NF1: variants seen among roughly 807,000 people sequenced by gnomAD.
The protein encoded by NF1 is neurofibromin.
NF1 carries 122 observed loss-of-function variants against 325.7 expected under a neutral mutation model. The observed-to-expected ratio is 0.37, with a 90% CI of 0.32 to 0.44. NF1 has a LOEUF of 0.44. Among genes scored for constraint, NF1 ranks in the 20% least tolerant of loss-of-function variants. The probability of loss-of-function intolerance (pLI) is 1.00; values close to 1 mark genes in which losing one functional copy is unlikely to be tolerated. For synonymous variants in NF1, 1,091 were observed against 1,186.0 expected (o/e 0.92, Z 1.65); for missense variants, 2,140 against 3,415.4 (o/e 0.63, Z 9.31).
chr17:31,320,428 A>G, intron 36 of NF1: 2 of 1,611,386 alleles, frequency 1.2e-6, no homozygotes, highest in Non-Finnish European at 1.7e-6. Context: ...CTCCTAAGCA[A>G]CATGGATGCC....
intron 36 of NF1, among the ~76,000 whole-genome samples, chr17:31,292,588 T>C (rs1052824512): frequency 5.3e-5 from 8 of 152,182 alleles, no homozygotes; most frequent in Non-Finnish European, 5.9e-5. Flanking sequence ...TCAATCTATG[T>C]ATAAGTGTGC....
At chr17:31,146,458 T>G (rs995306154) in intron 1 of NF1, among the ~76,000 whole-genome samples, 4 of 143,146 alleles carry the variant, frequency 2.8e-5, no homozygotes, top group Non-Finnish European at 4.5e-5. Flanking sequence ...CATCCATCCA[T>G]CCAATCTGTA....
At chr17:31,326,571 C>T (rs1299834846) in intron 37 of NF1, among the ~76,000 whole-genome samples, 4 of 151,972 alleles carry the variant, frequency 2.6e-5, no homozygotes, top group Admixed American at 6.6e-5. Context: ...CGCTTGAACC[C>T]GGGAGGTGGA....
chr17:31,139,650 T>G (rs1347729360), intron 1 of NF1, among the ~76,000 whole-genome samples: 1 of 152,222 alleles, frequency 6.6e-6, no homozygotes, highest in Non-Finnish European at 1.5e-5. Context: ...ATGTCTTTTC[T>G]TTGAACATTA....
At chr17:31,209,355 A>T (rs2066682292) in intron 12 of NF1, among the ~76,000 whole-genome samples, 1 of 152,216 alleles carries the variant, frequency 6.6e-6, no homozygotes, top group African/African-American at 2.4e-5. Context: ...GTAAAATAAT[A>T]TCTGCTTCAA....
intron 57 of NF1, chr17:31,362,237 C>A: frequency 1.1e-6 from 1 of 873,918 alleles, no homozygotes; most frequent in Non-Finnish European, 1.4e-6. Flanking sequence ...CCATTATCAG[C>A]ATTTCAGCTG....
chr17:31,296,144 G>A, intron 36 of NF1: 1 of 1,611,006 alleles, frequency 6.2e-7, no homozygotes, highest in South Asian at 1.1e-5. Context: ...GTGGTTATAA[G>A]ACAGGTTTAA....
At chr17:31,342,018 C>T (rs753805723) in intron 47 of NF1, among the ~76,000 whole-genome samples, 13 of 152,120 alleles carry the variant, frequency 8.5e-5, no homozygotes, top group Non-Finnish European at 1.8e-4. Context: ...TTGGTCTAAA[C>T]ATTATTAGTT....
rs756835946 is a variant in NF1, at chr17:31,336,595, T to C, written c.6148-40T>C. The C allele has an allele frequency of 2.0e-6, 3 of 1,526,482 alleles. No homozygotes were observed. Among genetic ancestry groups the C allele is most frequent in the Non-Finnish European group, 2.6e-6 (3 of 1,142,882 alleles). The allele number at this position is 1,526,482 out of a possible 1,614,324, so 94.6% of individuals were successfully genotyped here. A position where few individuals can be genotyped will look rare whatever the true frequency, so the allele number is the denominator to read the frequency against. On this transcript the variant is annotated intron_variant, in intron 41 of 57. Coordinates refer to ENST00000358273, the MANE Select transcript of NF1 (RefSeq NM_001042492.3). The surrounding 1 kb of genome is among the most constrained non-coding windows in gnomAD (Gnocchi z 5.5). The stretch of plus-strand genomic sequence containing the variant: ...TTTTGTGCTAAAACTTTGAGTCCCA[T>C]GTTTTTTTTTTTAAAAAAAAAAATC...
rs376716103 is a variant in NF1 at position 31,211,825 on chromosome 17, T to G, written c.1393-2626T>G. Among the ~76,000 whole-genome samples, 108 of 152,310 alleles carry G rather than the reference T, an allele frequency of 7.1e-4. 3 individuals carry two copies. The South Asian group carries it at 0.022, about 31-fold the overall frequency. Reference sequence around the variant, plus strand: ...TGTGGGTGAGTCATTGAGTGAGTGTTGAGTGCATGTGAAGCCTAGGACATT... The same window carrying G: ...TGTGGGTGAGTCATTGAGTGAGTGTGGAGTGCATGTGAAGCCTAGGACATT... On this transcript the variant is annotated intron_variant, in intron 12 of 57. Transcript: ENST00000358273.
intron 1 of NF1, among the ~76,000 whole-genome samples, chr17:31,132,061 G>T (rs1192198604): frequency 3.3e-5 from 5 of 152,044 alleles, no homozygotes; most frequent in African/African-American, 1.2e-4. Context: ...CTCTCAAGTA[G>T]CTGGGACTAC....
At chr17:31,271,862 A>T (rs1023966005) in intron 36 of NF1, among the ~76,000 whole-genome samples, 1 of 149,260 alleles carries the variant, frequency 6.7e-6, no homozygotes, top group African/African-American at 2.5e-5. Flanking sequence ...ACTGTTGCTC[A>T]CTCGCTCTCT....
At chr17:31,098,452 C>T (rs1367308416) in intron 1 of NF1, among the ~76,000 whole-genome samples, 1 of 152,062 alleles carries the variant, frequency 6.6e-6, no homozygotes, top group East Asian at 1.9e-4. Context: ...GCAACCTCTG[C>T]CTCCTGGGTT....
At chr17:31,158,855 G>A (rs146266686) in intron 2 of NF1, among the ~76,000 whole-genome samples, 155 bp from the exon 3 acceptor site, 2 of 152,188 alleles carry the variant, frequency 1.3e-5, no homozygotes, top group East Asian at 3.9e-4. Flanking sequence ...TGAGGATTAG[G>A]ATAAAATCAG....
At position 31,295,184 on chromosome 17, in the gene NF1, G is replaced by A. The variant is rs937711589; in HGVS notation, c.4835+29845G>A. On this transcript the variant is annotated intron_variant, in intron 36 of 57. Transcript: ENST00000358273. ...AGAGAAATTATTTGGCATGCCACTAGTGATACTTAGGGTCATGGGTGTTGG... is the reference window on the plus strand; with the variant it reads ...AGAGAAATTATTTGGCATGCCACTAATGATACTTAGGGTCATGGGTGTTGG... 4.0e-5 allele frequency: 64 copies of A among 1,614,054 alleles called. No individual in the cohort carries two copies. Among genetic ancestry groups the A allele is most frequent in the Admixed American group, 6.7e-5 (4 of 60,002 alleles).
At chr17:31,361,526 C>T (rs1033103444) in intron 57 of NF1, 1 of 152,028 alleles carries the variant, frequency 6.6e-6, no homozygotes, top group African/African-American at 2.4e-5. Context: ...GTTGTGTTTT[C>T]TATTTAGAAA....
At chr17:31,112,630 G>A (rs1253573000) in intron 1 of NF1, among the ~76,000 whole-genome samples, 1 of 151,944 alleles carries the variant, frequency 6.6e-6, no homozygotes, top group African/African-American at 2.4e-5. Flanking sequence ...AAAAAATTGG[G>A]TTTTACTGGA....
intron 36 of NF1, among the ~76,000 whole-genome samples, chr17:31,324,070 T>G (rs906607819): frequency 7.9e-5 from 12 of 152,172 alleles, no homozygotes; most frequent in Admixed American, 5.2e-4. Context: ...TTTTTTGGTT[T>G]TTTTTGTTTT....
intron 11 of NF1, among the ~76,000 whole-genome samples, chr17:31,203,315 G>GA (rs1357402012): frequency 1.3e-5 from 2 of 151,986 alleles, no homozygotes; most frequent in African/African-American, 4.8e-5. Context: ...TTTTTATAAA[G>GA]AAAAAAACTA....
Sources: allele counts gnomAD v4.1 joint callset (sites outside exome capture counted in the v4.1 genomes callset), GRCh38; gene constraint gnomAD v4.1.1; non-coding constraint Gnocchi (gnomAD v3.1); transcripts MANE v1.5; gene names NCBI Gene and HGNC (gene_info 2026-07-23, HGNC 2026-07-21).